Variants in SNTG2 observed in about 807,000 individuals in gnomAD.
SNTG2 encodes gamma-2-syntrophin.
SNTG2 carries 74 observed loss-of-function variants against 70.9 expected under a neutral mutation model. The ratio of observed to expected loss-of-function variants is 1.04; its 90% CI spans 0.86 to 1.27. The LOEUF is 1.27. Among genes scored for constraint, SNTG2 ranks in the 50% most tolerant of loss-of-function variants. The pLI is 0.00. For synonymous variants in SNTG2, 278 were observed against 273.8 expected (o/e 1.02, Z -0.15); for missense variants, 717 against 690.7 (o/e 1.04, Z -0.43).
At chr2:1,119,167 G>A (rs552558506) in intron 4 of SNTG2, among the ~76,000 whole-genome samples, 293 of 152,242 alleles carry the variant, frequency 1.9e-3, no homozygotes, top group African/African-American at 6.8e-3. Context: ...TAAGAATTCT[G>A]TGCTCAGCAA....
chr2:1,089,325 T>G (rs116193137), intron 2 of SNTG2, among the ~76,000 whole-genome samples: 1 of 152,214 alleles, frequency 6.6e-6, no homozygotes, highest in Non-Finnish European at 1.5e-5. Flanking sequence ...CTTAAAATAA[T>G]GAACAGTTTG....
chr2:1,242,288 A>G (rs1677104110), intron 11 of SNTG2, among the ~76,000 whole-genome samples: 2 of 152,248 alleles, frequency 1.3e-5, no homozygotes, highest in Non-Finnish European at 2.9e-5. Context: ...TATTTAACAA[A>G]TAATTGTGAG....
chr2:1,208,581 G>A (rs1043169874), intron 8 of SNTG2, among the ~76,000 whole-genome samples: 7 of 152,170 alleles, frequency 4.6e-5, no homozygotes, highest in Non-Finnish European at 1.0e-4. Flanking sequence ...CGGGCTTCCT[G>A]TCGAGAGCCG....
chr2:1,220,384 C>T (rs2148021349), intron 9 of SNTG2, among the ~76,000 whole-genome samples: 1 of 152,346 alleles, frequency 6.6e-6, no homozygotes, highest in African/African-American at 2.4e-5. Context: ...GTGGGAGCAG[C>T]AGCCCCTCCC....
intron 1 of SNTG2, among the ~76,000 whole-genome samples, chr2:1,049,925 C>A (rs868082209): frequency 1.1e-4 from 16 of 152,192 alleles, no homozygotes; most frequent in African/African-American, 3.6e-4. Flanking sequence ...TGCTTATCTG[C>A]CATCTGTATG....
chr2:1,182,360 CAAAAAA>C (rs10587246), intron 8 of SNTG2, among the ~76,000 whole-genome samples: 2 of 122,058 alleles, frequency 1.6e-5, no homozygotes, highest in Non-Finnish European at 3.3e-5. Context: ...TTAAAAATTT[CAAAAAA>C]AAAAAAAAAA....
chr2:1,245,332 T>C (rs1320962408), intron 11 of SNTG2, among the ~76,000 whole-genome samples: 1 of 151,694 alleles, frequency 6.6e-6, no homozygotes, highest in South Asian at 2.1e-4. Flanking sequence ...GGCACTCAAA[T>C]GTGCGTAAGA....
chr2:1,068,570 T>C (rs1164149671), intron 1 of SNTG2, among the ~76,000 whole-genome samples: 1 of 152,212 alleles, frequency 6.6e-6, no homozygotes, highest in Non-Finnish European at 1.5e-5. Flanking sequence ...TAAAATGCAA[T>C]TAGACAGGTG....
At chr2:1,315,828 T>C (rs1371602491) in intron 15 of SNTG2, among the ~76,000 whole-genome samples, 1 of 152,204 alleles carries the variant, frequency 6.6e-6, no homozygotes, top group Non-Finnish European at 1.5e-5. Flanking sequence ...ATCTGCACTT[T>C]TGACTATGTC....
At chr2:1,246,388 G>A (rs560511560) in intron 11 of SNTG2, among the ~76,000 whole-genome samples, 2 of 152,220 alleles carry the variant, frequency 1.3e-5, no homozygotes, top group Non-Finnish European at 2.9e-5. Context: ...AACAGGATGC[G>A]CCCATCCTGG....
At chr2:1,139,274 A>G (rs1316714102) in intron 6 of SNTG2, among the ~76,000 whole-genome samples, 1 of 152,132 alleles carries the variant, frequency 6.6e-6, no homozygotes, top group African/African-American at 2.4e-5. Context: ...TCTGTCGCCC[A>G]GTGTAGAGTG....
intron 9 of SNTG2, among the ~76,000 whole-genome samples, chr2:1,235,000 C>G (rs1384906741): frequency 6.6e-6 from 1 of 152,250 alleles, no homozygotes. Flanking sequence ...CCTGAGAAGA[C>G]ACTGTCGTTA....
At chr2:1,084,636 G>A (rs1156638340) in intron 2 of SNTG2, among the ~76,000 whole-genome samples, 1 of 152,184 alleles carries the variant, frequency 6.6e-6, no homozygotes, top group Non-Finnish European at 1.5e-5. Flanking sequence ...TCGTCTGTTT[G>A]AGTTGCTGTA....
chr2:1,164,623 G>C (rs1015203718), intron 6 of SNTG2, among the ~76,000 whole-genome samples: 15 of 151,972 alleles, frequency 9.9e-5, no homozygotes, highest in African/African-American at 3.4e-4. Flanking sequence ...ACTGTGGGCA[G>C]TCTCTGTGTA....
intron 9 of SNTG2, among the ~76,000 whole-genome samples, chr2:1,227,953 C>T (rs1675905985): frequency 6.6e-6 from 1 of 152,100 alleles, no homozygotes; most frequent in East Asian, 1.9e-4. Flanking sequence ...AGGCTGGCAG[C>T]CTCCCGCCTC....
At chr2:1,250,857 T>C (rs1031507438) in intron 12 of SNTG2, among the ~76,000 whole-genome samples, 3 of 152,262 alleles carry the variant, frequency 2.0e-5, no homozygotes, top group African/African-American at 7.2e-5. Context: ...CCTTATCTTG[T>C]ATTCATGGCC....
At chr2:1,102,986 T>TACAAGACTC (rs1665880596) in intron 4 of SNTG2, among the ~76,000 whole-genome samples, 2 of 152,168 alleles carry the variant, frequency 1.3e-5, no homozygotes, top group Non-Finnish European at 2.9e-5. Context: ...GATTGTACCG[T>TACAAGACTC]TGAGGTGCGG....
chr2:1,118,969 T>C (rs1370781067), intron 4 of SNTG2, among the ~76,000 whole-genome samples: 1 of 152,108 alleles, frequency 6.6e-6, no homozygotes, highest in Non-Finnish European at 1.5e-5. Flanking sequence ...TCATCAAGGA[T>C]CGTTTTAATC....
At chr2:1,272,965 C>G (rs1362969007) in intron 14 of SNTG2, among the ~76,000 whole-genome samples, 1 of 152,220 alleles carries the variant, frequency 6.6e-6, no homozygotes, top group African/African-American at 2.4e-5. Context: ...CACGAGATCA[C>G]GTTTATGAAA....
Sources: allele counts gnomAD v4.1 joint callset (sites outside exome capture counted in the v4.1 genomes callset), GRCh38; gene constraint gnomAD v4.1.1; transcripts MANE v1.5; gene names NCBI Gene and HGNC (gene_info 2026-07-23, HGNC 2026-07-21).